The following FER1L6 variants were observed in gnomAD, a reference collection of about 807,000 sequenced individuals.
FER1L6 encodes fer-1-like protein 6.
In FER1L6, 177 loss-of-function variants were observed where a neutral mutation model predicts 219.2. That is an observed-to-expected ratio of 0.81 (90% CI 0.71 to 0.91). The LOEUF (loss-of-function observed/expected upper bound fraction) is 0.91, where lower values mean the gene tolerates loss of function less well. Among genes scored for constraint, FER1L6 ranks in the 40% least tolerant of loss-of-function variants. The pLI, the probability that FER1L6 is intolerant of heterozygous loss-of-function variation, is 0.00. For missense variants in FER1L6, 2,153 were observed against 2,259.9 expected (o/e 0.95, Z 0.96); for synonymous variants, 768 against 824.3 (o/e 0.93, Z 1.17).
intron 12 of FER1L6, among the ~76,000 whole-genome samples, chr8:123,998,823 C>G (rs1284975792): frequency 6.6e-6 from 1 of 152,182 alleles, no homozygotes; most frequent in Non-Finnish European, 1.5e-5. Context: ...GCAGCTGAGT[C>G]TCTACCCATG....
chr8:123,870,111 A>G (rs1816900548), intron 1 of FER1L6, among the ~76,000 whole-genome samples: 1 of 152,232 alleles, frequency 6.6e-6, no homozygotes, highest in South Asian at 2.1e-4. Flanking sequence ...ATTCTAGTAC[A>G]CATCTATTAG....
intron 1 of FER1L6, among the ~76,000 whole-genome samples, chr8:123,904,138 G>A (rs1239905187): frequency 2.0e-5 from 3 of 151,746 alleles, no homozygotes; most frequent in Admixed American, 1.3e-4. Flanking sequence ...GGCATATGTA[G>A]GTGTATAAGT....
chr8:123,969,537 A>C (rs757491770), intron 5 of FER1L6, among the ~76,000 whole-genome samples: 8 of 152,188 alleles, frequency 5.3e-5, no homozygotes, highest in Admixed American at 2.6e-4. Context: ...AATTTATACT[A>C]TCTATTCAAA....
intron 1 of FER1L6, among the ~76,000 whole-genome samples, chr8:123,944,738 C>T (rs945386938): frequency 6.6e-6 from 1 of 152,130 alleles, no homozygotes; most frequent in Non-Finnish European, 1.5e-5. Flanking sequence ...GCCTGTGTCT[C>T]ACCCAGTATG....
intron 18 of FER1L6, among the ~76,000 whole-genome samples, chr8:124,030,121 T>C (rs1191547720): frequency 2.0e-5 from 3 of 152,212 alleles, no homozygotes; most frequent in African/African-American, 7.2e-5. Context: ...TCCATTGGTC[T>C]ATATGTCTGT....
At chr8:123,962,574 T>G (rs771500220) in intron 2 of FER1L6, among the ~76,000 whole-genome samples, 1 of 152,202 alleles carries the variant, frequency 6.6e-6, no homozygotes, top group African/African-American at 2.4e-5. Context: ...TAATGAGGTA[T>G]GCCTGACCTC....
intron 1 of FER1L6, among the ~76,000 whole-genome samples, chr8:123,941,742 G>A (rs116290773): frequency 6.3e-4 from 96 of 152,246 alleles, no homozygotes; most frequent in African/African-American, 2.0e-3. Flanking sequence ...TTTGGACTCC[G>A]TGGAGTTATT....
At chr8:124,077,423 G>T (rs551183740) in intron 32 of FER1L6, among the ~76,000 whole-genome samples, 16 of 152,288 alleles carry the variant, frequency 1.1e-4, no homozygotes, top group African/African-American at 3.6e-4. Flanking sequence ...ACACATCTGT[G>T]ATCACTTTGG....
intron 1 of FER1L6, among the ~76,000 whole-genome samples, chr8:123,931,743 T>C (rs1813778146): frequency 1.3e-5 from 2 of 152,222 alleles, no homozygotes; most frequent in Non-Finnish European, 2.9e-5. Context: ...TATTGTTGCC[T>C]GTTTCTTTTT....
intron 1 of FER1L6, among the ~76,000 whole-genome samples, chr8:123,893,956 T>C (rs1296286322): frequency 6.6e-6 from 1 of 152,184 alleles, no homozygotes; most frequent in Non-Finnish European, 1.5e-5. Context: ...GGTATGGAGC[T>C]GCCCACAGCA....
At chr8:123,931,909 T>C (rs1813783317) in intron 1 of FER1L6, among the ~76,000 whole-genome samples, 1 of 152,186 alleles carries the variant, frequency 6.6e-6, no homozygotes, top group African/African-American at 2.4e-5. Flanking sequence ...ACAAAAACAG[T>C]TATTTTAAAA....
At chr8:124,119,474 G>A in intron 40 of FER1L6, 133 bp from the exon 41 acceptor site, 1 of 677,498 alleles carries the variant, frequency 1.5e-6, no homozygotes, top group Admixed American at 2.4e-5. Flanking sequence ...CAGGCAACAT[G>A]CTCTTCTCCC....
chr8:123,985,512 A>G (rs1168235484), intron 11 of FER1L6: 1 of 153,372 alleles, frequency 6.5e-6, no homozygotes, highest in Non-Finnish European at 1.4e-5. Context: ...TGTGGTGAGT[A>G]TACTTGGCGA....
chr8:123,931,417 G>A (rs1813757321), intron 1 of FER1L6, among the ~76,000 whole-genome samples: 1 of 152,140 alleles, frequency 6.6e-6, no homozygotes, highest in African/African-American at 2.4e-5. Context: ...ACCTCTCTTG[G>A]TTCCATTGAA....
intron 12 of FER1L6, among the ~76,000 whole-genome samples, chr8:123,991,168 G>A (rs1586561445): frequency 6.6e-6 from 1 of 152,022 alleles, no homozygotes; most frequent in East Asian, 1.9e-4. Context: ...TGTTCTTTTT[G>A]CTTAGGATTG....
intron 1 of FER1L6, among the ~76,000 whole-genome samples, chr8:123,921,157 A>T (rs1243106534): frequency 2.0e-5 from 3 of 152,146 alleles, no homozygotes; most frequent in Non-Finnish European, 4.4e-5. Context: ...TGGGTGTGCA[A>T]ATATCTCTTC....
intron 18 of FER1L6, among the ~76,000 whole-genome samples, chr8:124,023,817 A>G (rs1280734633): frequency 6.6e-6 from 1 of 151,984 alleles, no homozygotes; most frequent in Non-Finnish European, 1.5e-5. Context: ...CACCAGACAC[A>G]CATAAGTTTC....
chr8:123,884,816 C>A (rs1817170625), intron 1 of FER1L6, among the ~76,000 whole-genome samples: 1 of 152,166 alleles, frequency 6.6e-6, no homozygotes. Flanking sequence ...GCTGCTCCAT[C>A]TGCATATGCT....
intron 29 of FER1L6, among the ~76,000 whole-genome samples, chr8:124,069,895 A>T (rs1287169621): frequency 6.6e-6 from 1 of 152,162 alleles, no homozygotes; most frequent in South Asian, 2.1e-4. Context: ...ATGGCTATGA[A>T]AATTTGAAGG....
Sources: allele counts gnomAD v4.1 joint callset (sites outside exome capture counted in the v4.1 genomes callset), GRCh38; gene constraint gnomAD v4.1.1; transcripts MANE v1.5; gene names NCBI Gene and HGNC (gene_info 2026-07-23, HGNC 2026-07-21).